RALGPS2: variants seen among roughly 807,000 people sequenced by gnomAD.
RALGPS2 encodes the protein Ral GEF with PH domain and SH3 binding motif 2.
A neutral mutation model predicts 86.8 loss-of-function variants in RALGPS2; 43 were observed. The observed-to-expected ratio is 0.50, with a 90% confidence interval of 0.39 to 0.64. The LOEUF (loss-of-function observed/expected upper bound fraction) is 0.64, where lower values mean the gene tolerates loss of function less well. RALGPS2 is among the 30% of genes least tolerant of loss of function. The pLI, the probability that RALGPS2 is intolerant of heterozygous loss-of-function variation, is 0.00. For missense variants in RALGPS2, 536 were observed against 694.6 expected, an observed-to-expected ratio of 0.77 and a Z score of 2.57; for synonymous variants, 243 against 231.3, an observed-to-expected ratio of 1.05 and a Z score of -0.46.
intron 8 of RALGPS2, among the ~76,000 whole-genome samples, chr1:178,838,094 C>T (rs1160743948): frequency 6.6e-6 from 1 of 152,176 alleles, no homozygotes; most frequent in African/African-American, 2.4e-5. Context: ...TAGAATCCAC[C>T]TCTGCAGGGC....
intron 4 of RALGPS2, among the ~76,000 whole-genome samples, chr1:178,791,271 C>T (rs1653939784): frequency 1.3e-5 from 2 of 151,452 alleles, no homozygotes; most frequent in Admixed American, 6.6e-5. Flanking sequence ...AAGGCATACA[C>T]CACCACACCT....
intron 7 of RALGPS2, among the ~76,000 whole-genome samples, chr1:178,827,392 A>AT (rs748058137): frequency 0.13 from 17,220 of 131,954 alleles, 3,565 homozygotes; most frequent in African/African-American, 0.43. Flanking sequence ...ATACTCTCTG[A>AT]TTTTTTTTTT....
intron 6 of RALGPS2, among the ~76,000 whole-genome samples, chr1:178,817,517 A>G (rs1655290996): frequency 6.6e-6 from 1 of 151,988 alleles, no homozygotes; most frequent in Non-Finnish European, 1.5e-5. Flanking sequence ...TCTTTGTCTT[A>G]ATTACTGTAG....
chr1:178,906,490 A>G (rs568244707), intron 18 of RALGPS2, among the ~76,000 whole-genome samples: 2 of 152,210 alleles, frequency 1.3e-5, no homozygotes, highest in South Asian at 2.1e-4. Flanking sequence ...ATGTAGGTGT[A>G]TTTCATTCTA....
chr1:178,853,159 C>T, intron 8 of RALGPS2: 1 of 985,290 alleles, frequency 1.0e-6, no homozygotes, highest in Non-Finnish European at 1.2e-6. Context: ...TCTGATATGT[C>T]AGTATTCATT....
At chr1:178,898,746 A>G (rs1050153569) in intron 17 of RALGPS2, among the ~76,000 whole-genome samples, 5 of 151,940 alleles carry the variant, frequency 3.3e-5, no homozygotes, top group Non-Finnish European at 7.4e-5. Flanking sequence ...TTTGCTCACT[A>G]TTATTATATA....
Position 178,840,465 on chromosome 1 carries a change from C to T in RALGPS2, c.607+6915C>T, listed in dbSNP as rs534738529. 1.1e-3 allele frequency among the ~76,000 whole-genome samples: 174 copies of T among 152,292 alleles called. 1 individual carries two copies. The highest frequency in any genetic ancestry group is 4.0e-3 in the African/African-American group (165 of 41,558). ...TCTTTGAAACCAATGAGAACAAAGA[C>T]ACAACATACCAGAATCTCTGGGACA... On this transcript the variant is annotated intron_variant, in intron 8 of 19. Coordinates refer to ENST00000367635, the MANE Select transcript of RALGPS2 (RefSeq NM_152663.5).
At chr1:178,733,442 G>A (rs185914690) in intron 1 of RALGPS2, among the ~76,000 whole-genome samples, 3 of 152,310 alleles carry the variant, frequency 2.0e-5, no homozygotes, top group Admixed American at 6.5e-5. Flanking sequence ...AAAATGAATT[G>A]TTCAGATGGC....
chr1:178,867,529 C>T (rs1658490163), intron 8 of RALGPS2, among the ~76,000 whole-genome samples: 1 of 152,084 alleles, frequency 6.6e-6, no homozygotes, highest in Non-Finnish European at 1.5e-5. Context: ...AAACCTTCTA[C>T]TCCTAACTTT....
chr1:178,746,858 C>G (rs528316696), intron 1 of RALGPS2: 24 of 1,173,432 alleles, frequency 2.0e-5, no homozygotes, highest in Non-Finnish European at 2.8e-5. Context: ...AAGTCCTGTA[C>G]GTCAGTCACC....
chr1:178,800,693 C>T (rs1357072524), intron 4 of RALGPS2, among the ~76,000 whole-genome samples: 1 of 152,098 alleles, frequency 6.6e-6, no homozygotes, highest in Non-Finnish European at 1.5e-5. Context: ...GTTATATGTG[C>T]ATAATTTTAA....
At chr1:178,844,315 G>GT (rs1431812097) in intron 8 of RALGPS2, among the ~76,000 whole-genome samples, 2 of 152,128 alleles carry the variant, frequency 1.3e-5, no homozygotes, top group African/African-American at 4.8e-5. Flanking sequence ...CAAACTAATA[G>GT]TTTTTTCTCC....
At chr1:178,742,149 A>G (rs28843970) in intron 1 of RALGPS2, among the ~76,000 whole-genome samples, 2,154 of 148,860 alleles carry the variant, frequency 0.014, 47 homozygotes, top group African/African-American at 0.045. Flanking sequence ...AAAAAAAAAA[A>G]AAGAAGAAGA....
chr1:178,835,054 A>G (rs1009879732), intron 8 of RALGPS2, among the ~76,000 whole-genome samples: 13 of 152,266 alleles, frequency 8.5e-5, no homozygotes, highest in Admixed American at 3.3e-4. Context: ...CTGGGATTGT[A>G]GGCATGAGCC....
rs926977929 is a variant in RALGPS2 at position 178,776,809 on chromosome 1, T to G, written c.45T>G (p.Ala15=). The stretch of plus-strand genomic sequence containing the variant: ...AGGCAAGCAGTGTCAATATTGCAGC[T>G]ACTGCTTCTGAGGTAAGATATTTAA... ...NGQASSVNIA[A]TASEKSSSSE... Residue 15 remains alanine, a synonymous_variant, in exon 2 of 20, where the codon GCT becomes GCG. Coordinates refer to ENST00000367635, the MANE Select transcript of RALGPS2 (RefSeq NM_152663.5). The G allele has an allele frequency of 6.2e-7, 1 of 1,612,870 alleles. No individual in the cohort carries two copies. The highest frequency in any genetic ancestry group is 1.7e-4 in the Middle Eastern group (1 of 6,046).
At chr1:178,740,860 C>T (rs1650983037) in intron 1 of RALGPS2, among the ~76,000 whole-genome samples, 1 of 152,162 alleles carries the variant, frequency 6.6e-6, no homozygotes, top group Admixed American at 6.5e-5. Flanking sequence ...TTACCAGCCC[C>T]TGCAACCTTG....
chr1:178,829,968 C>T (rs943613527), intron 7 of RALGPS2, among the ~76,000 whole-genome samples: 8 of 152,110 alleles, frequency 5.3e-5, no homozygotes, highest in Admixed American at 5.2e-4. Context: ...TGGTCTCGAA[C>T]TCCTGACCTC....
Position 178,892,316 on chromosome 1 carries a change from C to T in RALGPS2, c.1325+9C>T. ...CACATGAAGGCCAGCAGGTACAATT[C>T]CCCTGCATTCAGGGGTCACAGAACT... On this transcript the variant is annotated intron_variant, in intron 15 of 19. Coordinates refer to ENST00000367635, the MANE Select transcript of RALGPS2 (RefSeq NM_152663.5). 3.1e-6 allele frequency: 5 copies of T among 1,610,930 alleles called. No individual in the cohort carries two copies. The highest frequency in any genetic ancestry group is 4.2e-6 in the Non-Finnish European group (5 of 1,177,636).
intron 1 of RALGPS2, among the ~76,000 whole-genome samples, chr1:178,752,462 C>T (rs1651737169): frequency 6.6e-6 from 1 of 152,064 alleles, no homozygotes; most frequent in Non-Finnish European, 1.5e-5. Context: ...GTTGCCTGGC[C>T]ATAGTAGCTT....
Sources: gnomAD v4.1 joint callset for allele counts (sites outside exome capture counted in the v4.1 genomes callset) on GRCh38, gnomAD v4.1.1 for gene constraint, MANE v1.5 for transcripts, NCBI Gene and HGNC (gene_info 2026-07-23, HGNC 2026-07-21) for gene names.